TRIM24: variants seen among roughly 807,000 people sequenced by gnomAD.
TRIM24 encodes the protein transcription intermediary factor 1-alpha.
TRIM24 carries 29 observed loss-of-function variants against 123.9 expected under a neutral mutation model. The ratio of observed to expected loss-of-function variants is 0.23; its 90% CI spans 0.17 to 0.32. TRIM24 has a LOEUF of 0.32. Ranked by LOEUF, TRIM24 falls within the 10% of genes least tolerant of loss-of-function variation. The pLI, the probability that TRIM24 is intolerant of heterozygous loss-of-function variation, is 1.00. For missense variants in TRIM24, 932 were observed against 1,295.3 expected, an observed-to-expected ratio of 0.72 and a Z score of 4.31; for synonymous variants, 456 against 461.1, an observed-to-expected ratio of 0.99 and a Z score of 0.14.
chr7:138,575,710 C>A (rs1584747233), intron 12 of TRIM24, among the ~76,000 whole-genome samples: 2 of 151,946 alleles, frequency 1.3e-5, no homozygotes, highest in Non-Finnish European at 2.9e-5. Context: ...TTATTTGCAA[C>A]AGTTTTCCTT....
At chr7:138,469,331 A>ATT (rs1051563303) in intron 1 of TRIM24, among the ~76,000 whole-genome samples, 11 of 137,236 alleles carry the variant, frequency 8.0e-5, no homozygotes, top group South Asian at 2.3e-4. Context: ...CCCTTTCTCA[A>ATT]TTTTTTTTTT....
chr7:138,512,696 T>G (rs1796315516), intron 2 of TRIM24, among the ~76,000 whole-genome samples: 2 of 152,100 alleles, frequency 1.3e-5, no homozygotes, highest in South Asian at 4.1e-4. Flanking sequence ...AGTGAGCCCC[T>G]GAGCCTGGCC....
chr7:138,519,429 C>T (rs1563043611), intron 4 of TRIM24, 108 bp downstream of exon 4: 1 of 1,295,404 alleles, frequency 7.7e-7, no homozygotes, highest in Non-Finnish European at 1.1e-6. Flanking sequence ...TTTTGTTTGG[C>T]CAGCACTATG....
At chr7:138,462,876 AT>A (rs997406122) in intron 1 of TRIM24, among the ~76,000 whole-genome samples, 8 of 144,950 alleles carry the variant, frequency 5.5e-5, no homozygotes, top group African/African-American at 7.6e-5. Flanking sequence ...TTATTTATTT[AT>A]TTTTTTTTTG....
At chr7:138,532,570 A>G (rs374611115) in intron 6 of TRIM24, among the ~76,000 whole-genome samples, 8 of 152,228 alleles carry the variant, frequency 5.3e-5, no homozygotes, top group Admixed American at 2.0e-4. Context: ...CCAAAGGTCT[A>G]TATCTCTGTT....
intron 2 of TRIM24, among the ~76,000 whole-genome samples, chr7:138,506,640 C>T (rs921959439): frequency 3.9e-5 from 6 of 152,094 alleles, no homozygotes; most frequent in East Asian, 3.8e-4. Flanking sequence ...TTTATACCTC[C>T]GTATGATCAA....
chr7:138,491,168 C>A, intron 1 of TRIM24: 1 of 288,514 alleles, frequency 3.5e-6, no homozygotes, highest in South Asian at 4.0e-5. Flanking sequence ...AACAAAGACT[C>A]ACTGCAAACA....
chr7:138,516,648 C>G (rs1044694926), intron 3 of TRIM24, among the ~76,000 whole-genome samples: 5 of 152,158 alleles, frequency 3.3e-5, no homozygotes, highest in Admixed American at 2.0e-4. Flanking sequence ...AACCACTGCA[C>G]CCAGCCTTTA....
At chr7:138,526,077 C>CA in intron 5 of TRIM24, among the ~76,000 whole-genome samples, 1 of 152,254 alleles carries the variant, frequency 6.6e-6, no homozygotes, top group African/African-American at 2.4e-5. Context: ...GTTTTACACA[C>CA]AAAAGAAATG....
intron 1 of TRIM24, among the ~76,000 whole-genome samples, chr7:138,495,514 T>G (rs564780936): frequency 6.6e-6 from 1 of 152,242 alleles, no homozygotes; most frequent in South Asian, 2.1e-4. Flanking sequence ...CTAACAGGCC[T>G]ACTTTTGTCT....
rs1796942365 is a variant in TRIM24 at position 138,538,689 on chromosome 7, G to C, written c.1029G>C (p.Met343Ile). The C allele has an allele frequency of 6.2e-7, 1 of 1,613,942 alleles. No homozygotes were observed. Reference sequence around the variant, plus strand: ...CAAAGGACCATCGCATGAAACTTATGCAACAACAACAGGAAGTGGCTGGAC... The same window carrying C: ...CAAAGGACCATCGCATGAAACTTATCCAACAACAACAGGAAGTGGCTGGAC... ...SLAKDHRMKL[M>I]QQQQEVAGLS... is the part of the protein sequence containing the mutation. The change falls in exon 7 of 19, where the codon ATG becomes ATC. Residue 343 changes from methionine (M) to isoleucine (I), a missense_variant. Physicochemically the swap from Met to Ile is conservative, Grantham distance 10. Around this residue, in one of 7 missense-constraint regions of TRIM24, gnomAD observed 527 missense variants for 691.3 expected, o/e 0.76. Transcript: ENST00000343526.
intron 9 of TRIM24, among the ~76,000 whole-genome samples, chr7:138,563,861 A>T (rs1797477827): frequency 6.6e-6 from 1 of 152,080 alleles, no homozygotes; most frequent in Admixed American, 6.5e-5. Context: ...GTACCTCTGT[A>T]GGTACTGTAA....
intron 4 of TRIM24, among the ~76,000 whole-genome samples, chr7:138,522,829 A>C (rs1325144134): frequency 1.4e-5 from 2 of 145,162 alleles, no homozygotes; most frequent in African/African-American, 5.2e-5. Context: ...TTTTAAAATA[A>C]ACAGTTTAAT....
chr7:138,534,773 A>G (rs1371818733), intron 6 of TRIM24, among the ~76,000 whole-genome samples: 1 of 152,058 alleles, frequency 6.6e-6, no homozygotes, highest in Non-Finnish European at 1.5e-5. Flanking sequence ...TATCCTTGTT[A>G]ACTTTCTGTC....
In TRIM24 at chr7:138,588,854, A is replaced by C; in HGVS notation, c.*3903A>C. The C allele has an allele frequency of 2.0e-5, 3 of 151,974 alleles. No homozygotes were observed. The highest frequency in any genetic ancestry group is 7.3e-5 in the African/African-American group (3 of 41,332). The allele number at this position is 151,974 out of a possible 1,614,324, so 9.4% of individuals were successfully genotyped here. ...ACCCCACCTCAACAGAATATACAAAAAAATTAGCTGGGTGTGGTGGCGGGT... is the reference window on the plus strand; with the variant it reads ...ACCCCACCTCAACAGAATATACAAACAAATTAGCTGGGTGTGGTGGCGGGT... On this transcript the variant is annotated 3_prime_UTR_variant, in exon 19 of 19. Transcript: ENST00000343526.
intron 2 of TRIM24, among the ~76,000 whole-genome samples, chr7:138,513,886 A>G (rs1011139018): frequency 6.6e-6 from 1 of 152,208 alleles, no homozygotes; most frequent in Non-Finnish European, 1.5e-5. Context: ...TGGAGATTAC[A>G]TTCTAGATTA....
At chr7:138,527,771 A>G (rs1796639215) in intron 5 of TRIM24, among the ~76,000 whole-genome samples, 2 of 152,060 alleles carry the variant, frequency 1.3e-5, no homozygotes, top group African/African-American at 4.8e-5. Flanking sequence ...TTCTTTCTGT[A>G]AGAGTGTTGC....
intron 1 of TRIM24, among the ~76,000 whole-genome samples, chr7:138,479,528 A>G (rs1449868338): frequency 6.6e-6 from 1 of 152,006 alleles, no homozygotes; most frequent in Non-Finnish European, 1.5e-5. Context: ...CCATGCCTGA[A>G]TGAGACGGAG....
chr7:138,529,049 T>C, intron 5 of TRIM24, 67 bp from the exon 6 acceptor site: 1 of 991,112 alleles, frequency 1.0e-6, no homozygotes, highest in Non-Finnish European at 1.5e-6. Flanking sequence ...AATTTAGACA[T>C]TAAAACGTCA....
Sources: gnomAD v4.1 joint callset for allele counts (sites outside exome capture counted in the v4.1 genomes callset) on GRCh38, gnomAD v4.1.1 for gene constraint, gnomAD v4.1.1 regional missense constraint, MANE v1.5 for transcripts, NCBI Gene and HGNC (gene_info 2026-07-23, HGNC 2026-07-21) for gene names.